TLE1: variants seen among roughly 807,000 people sequenced by gnomAD.
TLE1 encodes the protein transducin-like enhancer protein 1.
TLE1 carries 21 observed loss-of-function variants against 89.8 expected under a neutral mutation model. That is an observed-to-expected ratio of 0.23 (90% confidence interval 0.17 to 0.34). TLE1 has a LOEUF of 0.34. Ranked by LOEUF, TLE1 falls within the 10% of genes least tolerant of loss-of-function variation. TLE1 has a pLI of 1.00. For synonymous variants in TLE1, 447 were observed against 407.6 expected (o/e 1.10, Z -1.16); for missense variants, 795 against 1,031.2 (o/e 0.77, Z 3.14).
In TLE1 at chr9:81,610,237, T is replaced by G. The variant is rs142337941; in HGVS notation, c.1314A>C (p.Gly438=). Residue 438 remains glycine (G), a synonymous_variant, in exon 14 of 20, where the codon GGA becomes GGC. Transcript: ENST00000376499. ...RVPTIPPNLA[G]IPGGKPAYSF... is the part of the protein sequence containing the mutation. The stretch of plus-strand genomic sequence containing the variant: ...GTACTTACGGTTTCCCCCCAGGGAT[T>G]CCTGCCAGGTTTGGAGGAATGGTAG... The G allele has an allele frequency of 2.0e-4, 318 of 1,613,968 alleles. No homozygotes were observed. In the African/African-American group the frequency reaches 3.7e-3, roughly 19 times the overall value.
intron 14 of TLE1, among the ~76,000 whole-genome samples, chr9:81,593,950 G>A (rs1188358363): frequency 6.6e-6 from 1 of 152,040 alleles, no homozygotes; most frequent in African/African-American, 2.4e-5. Context: ...ACTCTTCCCC[G>A]GTCTCCTTTA....
At chr9:81,614,590 C>T (rs1020930730) in intron 11 of TLE1, among the ~76,000 whole-genome samples, 5 of 152,134 alleles carry the variant, frequency 3.3e-5, no homozygotes, top group African/African-American at 9.7e-5. Flanking sequence ...GCTGTGTAGC[C>T]TTGTTAAGTT....
In TLE1 at chr9:81,660,934, AACACACACAC is replaced by A. The variant is rs548190067; in HGVS notation, c.235-6908_235-6899del. Among the ~76,000 whole-genome samples the A allele has an allele frequency of 4.3e-3, 379 of 88,848 alleles. 1 individual carries two copies. Among genetic ancestry groups the A allele is most frequent in the Middle Eastern group, 8.3e-3 (1 of 120 alleles). 58.3% of individuals were successfully genotyped at this position (88,848 alleles called of 152,430 possible). On this transcript the variant is annotated intron_variant, in intron 4 of 19. Transcript: ENST00000376499. The stretch of plus-strand genomic sequence containing the variant: ...ACACGGTGAAACCCCATCCCTACTA[AACACACACAC>A]ACACACACACACACACACACACACA...
chr9:81,642,938 C>G (rs2132487795), intron 6 of TLE1, among the ~76,000 whole-genome samples: 1 of 152,272 alleles, frequency 6.6e-6, no homozygotes, highest in African/African-American at 2.4e-5. Context: ...ACAACATGGG[C>G]AGATGTGCAG....
chr9:81,687,526 A>T (rs1382998333), intron 1 of TLE1, 92 bp from the exon 2 acceptor site: 10 of 957,324 alleles, frequency 1.0e-5, no homozygotes, highest in African/African-American at 1.6e-5. Context: ...GGTGGGACAT[A>T]AACATAAAGT....
At chr9:81,613,280 A>G (rs548822994) in intron 12 of TLE1, 97 bp downstream of exon 12, 19 of 1,513,692 alleles carry the variant, frequency 1.3e-5, no homozygotes, top group Middle Eastern at 1.8e-4. Flanking sequence ...CGTACATTTC[A>G]TATTTGTAGG....
At chr9:81,661,561 G>C (rs2132766674) in intron 4 of TLE1, among the ~76,000 whole-genome samples, 1 of 152,210 alleles carries the variant, frequency 6.6e-6, no homozygotes, top group Middle Eastern at 3.4e-3. Context: ...GCTGAGGGCT[G>C]GCAAACTGAT....
At chr9:81,681,949 G>A (rs922426131) in intron 4 of TLE1, among the ~76,000 whole-genome samples, 9 of 152,230 alleles carry the variant, frequency 5.9e-5, no homozygotes, top group African/African-American at 1.9e-4. Context: ...GAGGGGATAG[G>A]AAGAAGCACA....
rs377409221 is a variant in TLE1, at chr9:81,584,145, A to G, written c.*53T>C. On this transcript the variant is annotated 3_prime_UTR_variant, in exon 20 of 20. Transcript: ENST00000376499. ...AGTTACAACTTTTCTATTTCTATAA[A>G]TTCGAAACATTTTGGCCCAATTCAA... is the stretch of plus-strand genomic sequence containing the variant. 1.4e-4 allele frequency: 202 copies of G among 1,479,882 alleles called. 2 individuals carry two copies. In the East Asian group the frequency reaches 1.6e-3, roughly 12 times the overall value. The allele number at this position is 1,479,882 out of a possible 1,614,324, so 91.7% of individuals were successfully genotyped here.
Position 81,673,471 on chromosome 9 carries a change from A to G in TLE1, c.234+12205T>C, listed in dbSNP as rs181897270. 3.1e-3 allele frequency among the ~76,000 whole-genome samples: 470 copies of G among 152,254 alleles called. 7 individuals are homozygous for G. The highest frequency in any genetic ancestry group is 0.01 in the African/African-American group (436 of 41,544). On this transcript the variant is annotated intron_variant, in intron 4 of 19. Coordinates refer to ENST00000376499, the MANE Select transcript of TLE1 (RefSeq NM_005077.5). ...TCAGTGAAGCATGGCCTAGAAGTCC[A>G]AGAGCAGGGGTAGAGTTTTAAAGGG...
At chr9:81,682,115 A>G (rs922530500) in intron 4 of TLE1, among the ~76,000 whole-genome samples, 3 of 152,112 alleles carry the variant, frequency 2.0e-5, no homozygotes, top group African/African-American at 4.8e-5. Flanking sequence ...TTAGCCGGGC[A>G]TGGTGGCGGA....
At chr9:81,678,085 G>A (rs1172909261) in intron 4 of TLE1, among the ~76,000 whole-genome samples, 1 of 152,062 alleles carries the variant, frequency 6.6e-6, no homozygotes, top group Non-Finnish European at 1.5e-5. Flanking sequence ...ACTACTATAA[G>A]AAAAACTAAA....
chr9:81,613,780 T>C (rs1824019876), intron 11 of TLE1, among the ~76,000 whole-genome samples: 1 of 152,178 alleles, frequency 6.6e-6, no homozygotes, highest in Admixed American at 6.5e-5. Flanking sequence ...TTAAAAGTAT[T>C]TTCCATCAGC....
intron 2 of TLE1, among the ~76,000 whole-genome samples, chr9:81,686,938 T>C (rs1446586022): frequency 6.6e-6 from 1 of 152,224 alleles, no homozygotes; most frequent in Admixed American, 6.5e-5. Flanking sequence ...TTTTCTAGTA[T>C]GGCAAACAGC....
In TLE1 at chr9:81,688,987, C is replaced by T. The variant is rs1420157228; in HGVS notation, c.-747G>A. The T allele has an allele frequency of 2.6e-5, 4 of 152,224 alleles. No homozygotes were observed. Among genetic ancestry groups the T allele is most frequent in the East Asian group, 2.0e-4 (1 of 5,128 alleles). 9.4% of individuals were successfully genotyped at this position (152,224 alleles called of 1,614,324 possible). ...CGGTGTTCTCCGCGGTTGCACAAAC[C>T]CTCCGGGCCCGACGGGGCTACTCCA... is the stretch of plus-strand genomic sequence containing the variant. On this transcript the variant is annotated 5_prime_UTR_variant, in exon 1 of 20. Coordinates refer to ENST00000376499, the MANE Select transcript of TLE1 (RefSeq NM_005077.5).
chr9:81,586,353 G>C (rs1352565860), intron 17 of TLE1, among the ~76,000 whole-genome samples: 1 of 152,120 alleles, frequency 6.6e-6, no homozygotes, highest in Non-Finnish European at 1.5e-5. Flanking sequence ...TTCAGAGAGT[G>C]CACTTACACA....
intron 6 of TLE1, among the ~76,000 whole-genome samples, chr9:81,650,031 C>T (rs751702743): frequency 1.3e-5 from 2 of 152,136 alleles, no homozygotes; most frequent in Non-Finnish European, 2.9e-5. Context: ...CCAAGACACA[C>T]AATGGGCCTA....
chr9:81,672,819 G>C (rs890022190), intron 4 of TLE1, among the ~76,000 whole-genome samples: 12 of 151,976 alleles, frequency 7.9e-5, no homozygotes, highest in Admixed American at 3.3e-4. Context: ...AACTTACTTT[G>C]ATAGAATGAA....
intron 8 of TLE1, among the ~76,000 whole-genome samples, chr9:81,627,082 A>C (rs1433193302): frequency 6.6e-6 from 1 of 152,132 alleles, no homozygotes; most frequent in Non-Finnish European, 1.5e-5. Flanking sequence ...GAAACTAAAA[A>C]GCCATTAGGT....
Sources: gnomAD v4.1 joint callset for allele counts (sites outside exome capture counted in the v4.1 genomes callset) on GRCh38, gnomAD v4.1.1 for gene constraint, MANE v1.5 for transcripts, NCBI Gene and HGNC (gene_info 2026-07-23, HGNC 2026-07-21) for gene names.